The following SWAP70 variants were observed in gnomAD, a reference collection of about 807,000 sequenced individuals.
SWAP70 encodes switch-associated protein 70.
SWAP70 carries 34 observed loss-of-function variants against 80.2 expected under a neutral mutation model. The ratio of observed to expected loss-of-function variants is 0.42; its 90% CI spans 0.32 to 0.56. The LOEUF is 0.56. Ranked by LOEUF, SWAP70 falls within the 20% of genes least tolerant of loss-of-function variation. The pLI, the probability that SWAP70 is intolerant of heterozygous loss-of-function variation, is 0.09. For missense variants in SWAP70, 578 were observed against 690.7 expected, an observed-to-expected ratio of 0.84 and a Z score of 1.83; for synonymous variants, 239 against 238.5, an observed-to-expected ratio of 1.00 and a Z score of -0.02.
At chr11:9,709,944 G>A (rs1850973929) in intron 2 of SWAP70, among the ~76,000 whole-genome samples, 1 of 152,180 alleles carries the variant, frequency 6.6e-6, no homozygotes, top group East Asian at 1.9e-4. Flanking sequence ...CTAGAGAAAA[G>A]AAAATGTTAT....
At chr11:9,684,575 T>C (rs1470043005) in intron 1 of SWAP70, among the ~76,000 whole-genome samples, 1 of 152,202 alleles carries the variant, frequency 6.6e-6, no homozygotes, top group Non-Finnish European at 1.5e-5. Flanking sequence ...TGTACTTGAA[T>C]TTTAAGAAAC....
chr11:9,746,634 G>A (rs1301353440), intron 9 of SWAP70, among the ~76,000 whole-genome samples: 1 of 152,232 alleles, frequency 6.6e-6, no homozygotes, highest in Non-Finnish European at 1.5e-5. Context: ...TCTTGGAGAA[G>A]GATGTTCTCA....
intron 1 of SWAP70, among the ~76,000 whole-genome samples, chr11:9,678,942 C>T (rs1309795113): frequency 6.6e-6 from 1 of 152,132 alleles, no homozygotes; most frequent in Non-Finnish European, 1.5e-5. Flanking sequence ...GACTGCGTTT[C>T]ATGAAACTAT....
chr11:9,668,190 A>G (rs1004522727), intron 1 of SWAP70, among the ~76,000 whole-genome samples: 4 of 152,170 alleles, frequency 2.6e-5, no homozygotes, highest in African/African-American at 7.2e-5. Context: ...TGCCTGGCCT[A>G]TTTTCACACT....
chr11:9,685,551 C>T (rs1005473542), intron 1 of SWAP70, among the ~76,000 whole-genome samples: 1 of 152,116 alleles, frequency 6.6e-6, no homozygotes, highest in Non-Finnish European at 1.5e-5. Context: ...GGAACTCTCT[C>T]CCTTCAACCT....
At chr11:9,725,575 T>A (rs1457951194) in intron 4 of SWAP70, among the ~76,000 whole-genome samples, 195 of 74,274 alleles carry the variant, frequency 2.6e-3, no homozygotes, top group African/African-American at 6.3e-3. Flanking sequence ...ATATATTTTT[T>A]TTTTTTTTTT....
chr11:9,706,458 A>G (rs569485375), intron 2 of SWAP70, among the ~76,000 whole-genome samples: 6 of 152,316 alleles, frequency 3.9e-5, no homozygotes, highest in African/African-American at 1.4e-4. Flanking sequence ...TTTGTAGGAT[A>G]TATGAAAATT....
At chr11:9,722,651 A>G (rs946797424) in intron 3 of SWAP70, among the ~76,000 whole-genome samples, 1 of 152,180 alleles carries the variant, frequency 6.6e-6, no homozygotes, top group African/African-American at 2.4e-5. Flanking sequence ...ATAAATACCA[A>G]TTAACTGGGT....
At chr11:9,693,606 C>T (rs759728606) in intron 1 of SWAP70, among the ~76,000 whole-genome samples, 1 of 152,082 alleles carries the variant, frequency 6.6e-6, no homozygotes, top group Non-Finnish European at 1.5e-5. Context: ...TTAGAGATTC[C>T]TAATTAATAT....
intron 1 of SWAP70, among the ~76,000 whole-genome samples, chr11:9,671,515 TATATATAA>T (rs1231388449): frequency 1.2e-5 from 1 of 80,170 alleles, no homozygotes; most frequent in African/African-American, 4.4e-5. Context: ...TATATAAATA[TATATATAA>T]ATATATAAAT....
chr11:9,750,339 TCAAAACAAAA>T lies in SWAP70; in HGVS notation c.*390_*399del, dbSNP rs10573564. 17 of 162,274 alleles carry T rather than the reference TCAAAACAAAA, an allele frequency of 1.0e-4. No individual in the cohort carries two copies. The highest frequency in any genetic ancestry group is 3.0e-3 in the Middle Eastern group (1 of 328). 10.1% of individuals were successfully genotyped at this position (162,274 alleles called of 1,614,324 possible). ...TTGGGCAACAGAGTGAGACTCCATC[TCAAAACAAAA>T]CAAAACAAAACAAAACAAAAAAACC... On this transcript the variant is annotated 3_prime_UTR_variant, in exon 12 of 12. Coordinates refer to ENST00000318950, the MANE Select transcript of SWAP70 (RefSeq NM_015055.4).
At position 9,747,910 on chromosome 11, in the gene SWAP70, G is replaced by A. The variant is rs1365302619; in HGVS notation, c.1408G>A (p.Glu470Lys). 5.0e-6 allele frequency: 8 copies of A among 1,614,068 alleles called. No homozygotes were observed. In the South Asian group the frequency reaches 7.7e-5, roughly 16 times the overall value. Residue 470 changes from glutamate (E) to lysine (K), a missense_variant, in exon 10 of 12, where the codon GAG (glutamate) becomes AAG (lysine). Glu to Lys is a moderately conservative substitution (Grantham distance 56). Coordinates refer to ENST00000318950, the MANE Select transcript of SWAP70 (RefSeq NM_015055.4). Reference protein sequence around the residue: ...KRAELEKWHLEQQQAIQTTEA... With the variant: ...KRAELEKWHLKQQQAIQTTEA... Reference sequence around the variant, plus strand: ...GGCTGAACTAGAAAAGTGGCACTTGGAGCAGCAGCAGGCCATTCAGACAAC... The same window carrying A: ...GGCTGAACTAGAAAAGTGGCACTTGAAGCAGCAGCAGGCCATTCAGACAAC...
At chr11:9,713,926 A>G (rs1213392440) in intron 3 of SWAP70, among the ~76,000 whole-genome samples, 1 of 152,258 alleles carries the variant, frequency 6.6e-6, no homozygotes, top group African/African-American at 2.4e-5. Context: ...AAGTCACAAC[A>G]TAATTTTCAT....
chr11:9,732,858 G>A (rs140492956), intron 7 of SWAP70, 148 bp downstream of exon 7: 1 of 750,588 alleles, frequency 1.3e-6, no homozygotes. Context: ...AGTGTTTCCA[G>A]ACCATCAAGT....
chr11:9,677,706 TTGTC>T (rs1393156633), intron 1 of SWAP70, among the ~76,000 whole-genome samples: 21 of 152,326 alleles, frequency 1.4e-4, no homozygotes, highest in East Asian at 5.8e-4. Context: ...AATGAACTCA[TTGTC>T]TGTGCATTTT....
rs60202287 is a variant in SWAP70 at position 9,709,126 on chromosome 11, AT to A, written c.241-4331del. Among the ~76,000 whole-genome samples the A allele has an allele frequency of 1.5e-4, 22 of 151,078 alleles. No homozygotes were observed. In the South Asian group the frequency reaches 3.5e-3, roughly 24 times the overall value. On this transcript the variant is annotated intron_variant, in intron 2 of 11. Transcript: ENST00000318950. ...GGTCTCACTATGTTGCCCAGGTTGGATTTTTTTTTCCCCCTCAGACAGAGTC... is the reference window on the plus strand; with the variant it reads ...GGTCTCACTATGTTGCCCAGGTTGGATTTTTTTTCCCCCTCAGACAGAGTC...
At chr11:9,726,971 A>C (rs1440394281) in intron 4 of SWAP70, 3 of 456,184 alleles carry the variant, frequency 6.6e-6, no homozygotes, top group Non-Finnish European at 1.3e-5. Flanking sequence ...TTGGTACCAG[A>C]GGTGGAAGTC....
chr11:9,671,602 TTA>T (rs370071307), intron 1 of SWAP70, among the ~76,000 whole-genome samples: 2 of 66,730 alleles, frequency 3.0e-5, no homozygotes, highest in African/African-American at 5.5e-5. Flanking sequence ...ATAAATATAT[TTA>T]TATAGAAATA....
intron 3 of SWAP70, among the ~76,000 whole-genome samples, chr11:9,717,394 G>A (rs1851079422): frequency 2.0e-5 from 3 of 152,188 alleles, no homozygotes. Flanking sequence ...AGCACTTTGG[G>A]AGGCTGAGGC....
Sources: allele counts gnomAD v4.1 joint callset (sites outside exome capture counted in the v4.1 genomes callset), GRCh38; gene constraint gnomAD v4.1.1; transcripts MANE v1.5; gene names NCBI Gene and HGNC (gene_info 2026-07-23, HGNC 2026-07-21).